The following CDH4 variants were observed in gnomAD, a reference collection of about 807,000 sequenced individuals.
The protein encoded by CDH4 is cadherin-4.
A neutral mutation model predicts 86.0 loss-of-function variants in CDH4; 33 were observed. The ratio of observed to expected loss-of-function variants is 0.38; its 90% CI spans 0.29 to 0.51. CDH4 has a LOEUF of 0.51. Ranked by LOEUF, CDH4 falls within the 20% of genes least tolerant of loss-of-function variation. The pLI is 0.86. For synonymous variants in CDH4, 555 were observed against 549.4 expected (o/e 1.01, Z -0.14); for missense variants, 1,114 against 1,307.4 (o/e 0.85, Z 2.28).
At chr20:61,587,191 G>A (rs767276324) in intron 2 of CDH4, among the ~76,000 whole-genome samples, 1 of 152,200 alleles carries the variant, frequency 6.6e-6, no homozygotes, top group Non-Finnish European at 1.5e-5. Flanking sequence ...CTCCAGGCTC[G>A]GGGCAGGGGA....
chr20:61,365,110 G>A (rs1024052650), intron 2 of CDH4, among the ~76,000 whole-genome samples: 3 of 152,220 alleles, frequency 2.0e-5, no homozygotes. Context: ...TAGATTTGGA[G>A]TCTATAATGC....
At chr20:61,503,855 C>T (rs1006455047) in intron 2 of CDH4, among the ~76,000 whole-genome samples, 1 of 152,202 alleles carries the variant, frequency 6.6e-6, no homozygotes, top group African/African-American at 2.4e-5. Flanking sequence ...TGAATTTCAT[C>T]TGAGGATTGG....
intron 2 of CDH4, among the ~76,000 whole-genome samples, chr20:61,504,037 C>T (rs185692650): frequency 6.6e-6 from 1 of 152,212 alleles, no homozygotes; most frequent in South Asian, 2.1e-4. Flanking sequence ...CCCTAGACCA[C>T]AGCAGCCTTC....
chr20:61,331,662 CCCCAGG>C (rs2084578831), intron 2 of CDH4, among the ~76,000 whole-genome samples: 1 of 150,984 alleles, frequency 6.6e-6, no homozygotes, highest in Non-Finnish European at 1.5e-5. Context: ...CAGCCACCTG[CCCCAGG>C]CTCACCTCCT....
At chr20:61,508,362 C>T (rs1330035867) in intron 2 of CDH4, among the ~76,000 whole-genome samples, 2 of 152,244 alleles carry the variant, frequency 1.3e-5, no homozygotes, top group Non-Finnish European at 2.9e-5. Flanking sequence ...GGCCACTTCT[C>T]GTGTCTGTGC....
chr20:61,713,773 T>C (rs2087918910), intron 2 of CDH4, among the ~76,000 whole-genome samples: 1 of 152,212 alleles, frequency 6.6e-6, no homozygotes, highest in African/African-American at 2.4e-5. Flanking sequence ...CCTTTCGTGA[T>C]ACCTCAAAAT....
chr20:61,717,004 T>C (rs947351931), intron 2 of CDH4, among the ~76,000 whole-genome samples: 2 of 152,220 alleles, frequency 1.3e-5, no homozygotes, highest in Non-Finnish European at 2.9e-5. Context: ...ATTCACCAGG[T>C]AGAGGAAACC....
intron 2 of CDH4, among the ~76,000 whole-genome samples, chr20:61,484,632 G>A (rs928263404): frequency 1.3e-5 from 2 of 152,194 alleles, no homozygotes; most frequent in African/African-American, 2.4e-5. Flanking sequence ...TGGGTGGCTC[G>A]CATTTGCTGG....
At chr20:61,315,410 G>A (rs556062189) in intron 2 of CDH4, among the ~76,000 whole-genome samples, 1 of 152,290 alleles carries the variant, frequency 6.6e-6, no homozygotes, top group South Asian at 2.1e-4. Context: ...GGACAGGTGG[G>A]TGCCCTGATA....
Position 61,663,583 on chromosome 20 carries a change from C to T in CDH4, c.170-79980C>T, listed in dbSNP as rs930517335. On this transcript the variant is annotated intron_variant, in intron 2 of 15. Coordinates refer to ENST00000614565, the MANE Select transcript of CDH4 (RefSeq NM_001794.5). The surrounding 1 kb of genome is among the most constrained non-coding windows in gnomAD (Gnocchi z 5.0). Reference sequence around the variant, plus strand: ...GGGCTGGATTTTATCCCAAGTGAGTCGGGAGCTGCTGGGACGGCAGGACCG... The same window carrying T: ...GGGCTGGATTTTATCCCAAGTGAGTTGGGAGCTGCTGGGACGGCAGGACCG... 6.6e-6 allele frequency among the ~76,000 whole-genome samples: 1 copy of T among 152,090 alleles called. No individual in the cohort carries two copies. Among genetic ancestry groups the T allele is most frequent in the Admixed American group, 6.6e-5 (1 of 15,260 alleles).
At chr20:61,502,207 C>T (rs926175850) in intron 2 of CDH4, among the ~76,000 whole-genome samples, 6 of 152,176 alleles carry the variant, frequency 3.9e-5, no homozygotes, top group Non-Finnish European at 5.9e-5. Flanking sequence ...GCAGCATCTA[C>T]AAGGCCCAAA....
intron 2 of CDH4, among the ~76,000 whole-genome samples, chr20:61,418,356 T>A (rs909134540): frequency 1.3e-5 from 2 of 151,824 alleles, no homozygotes; most frequent in African/African-American, 2.4e-5. Flanking sequence ...GACTACAGGC[T>A]CCCGCCACCA....
chr20:61,746,886 T>C (rs988995279), intron 3 of CDH4, among the ~76,000 whole-genome samples: 1 of 152,198 alleles, frequency 6.6e-6, no homozygotes, highest in Non-Finnish European at 1.5e-5. Context: ...GGGGTCACTG[T>C]GGGACGCTGG....
At chr20:61,775,788 T>C (rs532390959) in intron 4 of CDH4, among the ~76,000 whole-genome samples, 1 of 152,356 alleles carries the variant, frequency 6.6e-6, no homozygotes, top group Non-Finnish European at 1.5e-5. Flanking sequence ...ATCTCTGTTA[T>C]CTTAGCACAA....
intron 2 of CDH4, among the ~76,000 whole-genome samples, chr20:61,324,679 G>T (rs1397523596): frequency 6.6e-6 from 1 of 152,192 alleles, no homozygotes; most frequent in Admixed American, 6.5e-5. Context: ...GTTTCCAGAG[G>T]AATGTGACTT....
chr20:61,570,451 G>C (rs961927266), intron 2 of CDH4: 3 of 549,240 alleles, frequency 5.5e-6, no homozygotes, highest in Non-Finnish European at 9.8e-6. Flanking sequence ...CCTTGAGCTT[G>C]ACCCGAATTG....
chr20:61,415,693 C>T (rs1053572969), intron 2 of CDH4, among the ~76,000 whole-genome samples: 10 of 152,238 alleles, frequency 6.6e-5, no homozygotes, highest in Admixed American at 2.0e-4. Flanking sequence ...CATGTTATAG[C>T]GAGTGTCAGA....
intron 2 of CDH4, among the ~76,000 whole-genome samples, chr20:61,297,716 G>A (rs566240260): frequency 3.3e-5 from 5 of 152,364 alleles, no homozygotes; most frequent in South Asian, 2.1e-4. Context: ...GCCTTGCAGC[G>A]CACTTTCCTG....
chr20:61,273,742 T>A (rs1012270438), intron 2 of CDH4, among the ~76,000 whole-genome samples: 4 of 143,662 alleles, frequency 2.8e-5, no homozygotes, highest in Non-Finnish European at 4.5e-5. Flanking sequence ...GGAAGTACCA[T>A]GGGCAGTTTG....
Sources: allele counts gnomAD v4.1 joint callset (sites outside exome capture counted in the v4.1 genomes callset), GRCh38; gene constraint gnomAD v4.1.1; non-coding constraint Gnocchi (gnomAD v3.1); transcripts MANE v1.5; gene names NCBI Gene and HGNC (gene_info 2026-07-23, HGNC 2026-07-21).